Variants in CHD6 observed in about 807,000 individuals in gnomAD.
The protein encoded by CHD6 is ATP-dependent chromatin remodeler CHD6.
Under a neutral mutation model 276.9 loss-of-function variants are expected in CHD6, and 50 were observed. The observed-to-expected ratio is 0.18, with a 90% CI of 0.14 to 0.23. CHD6 has a LOEUF of 0.23. Among genes scored for constraint, CHD6 ranks in the 10% least tolerant of loss-of-function variants. CHD6 has a pLI of 1.00. For missense variants in CHD6, 2,564 were observed against 3,365.8 expected (o/e 0.76, Z 5.89); for synonymous variants, 1,173 against 1,229.3 (o/e 0.95, Z 0.96).
chr20:41,445,229 G>T (rs1425607290), intron 25 of CHD6, among the ~76,000 whole-genome samples: 1 of 152,186 alleles, frequency 6.6e-6, no homozygotes, highest in Admixed American at 6.5e-5. Flanking sequence ...TGGGGTAAAA[G>T]ATACACACTA....
At chr20:41,616,090 A>G (rs2045932325) in intron 1 of CHD6, among the ~76,000 whole-genome samples, 1 of 152,332 alleles carries the variant, frequency 6.6e-6, no homozygotes, top group Non-Finnish European at 1.5e-5. Context: ...AAATACAAAA[A>G]CATAACTGCC....
chr20:41,439,965 A>C, intron 26 of CHD6, 35 bp downstream of exon 26: 1 of 1,610,008 alleles, frequency 6.2e-7, no homozygotes. Flanking sequence ...GTGGCATGGC[A>C]TGTCACATGA....
At chr20:41,555,661 G>C (rs1289943353) in intron 1 of CHD6, among the ~76,000 whole-genome samples, 3 of 146,002 alleles carry the variant, frequency 2.1e-5, no homozygotes, top group Non-Finnish European at 4.5e-5. Context: ...ACGGGGCGGC[G>C]GGGCAGAGGC....
At chr20:41,415,031 C>T (rs763620198) in intron 34 of CHD6, 155 bp downstream of exon 34, 29 of 1,451,732 alleles carry the variant, frequency 2.0e-5, no homozygotes, top group Non-Finnish European at 2.2e-5. Context: ...TCTAGTTCTA[C>T]AGAAGATGGA....
At chr20:41,416,894 A>G (rs1392787704) in intron 32 of CHD6, 100 bp from the exon 33 acceptor site, 2 of 1,012,900 alleles carry the variant, frequency 2.0e-6, no homozygotes, top group East Asian at 2.7e-5. Flanking sequence ...GAAGGAGTCG[A>G]TAAGAAAAGA....
At position 41,437,346 on chromosome 20, in the gene CHD6, TA is replaced by T. The variant is rs773396085; in HGVS notation, c.4008-13del. The T allele has an allele frequency of 6.2e-7, 1 of 1,604,216 alleles. No homozygotes were observed. Among genetic ancestry groups the T allele is most frequent in the Non-Finnish European group, 8.5e-7 (1 of 1,174,134 alleles). On this transcript the variant is annotated splice_polypyrimidine_tract_variant and intron_variant, in intron 26 of 36. Transcript: ENST00000373233. ...TATCTGTGTTGCCTCTAAATAAAAGTAAAAAAAGGCATCACATACTACCTAG... is the reference window on the plus strand; with the variant it reads ...TATCTGTGTTGCCTCTAAATAAAAGTAAAAAAGGCATCACATACTACCTAG...
At chr20:41,449,947 T>G (rs1181965415) in intron 23 of CHD6, among the ~76,000 whole-genome samples, 1 of 152,220 alleles carries the variant, frequency 6.6e-6, no homozygotes, top group African/African-American at 2.4e-5. Flanking sequence ...TGATGACAAT[T>G]TCATGCCTAA....
At chr20:41,413,206 C>T in intron 35 of CHD6, 118 bp downstream of exon 35, 1 of 707,796 alleles carries the variant, frequency 1.4e-6, no homozygotes, top group Non-Finnish European at 2.3e-6. Flanking sequence ...TGTCAGCTGA[C>T]AGATTTCTCC....
chr20:41,425,370 T>A lies in CHD6; in HGVS notation c.4154A>T (p.Lys1385Ile). The change falls in exon 29 of 37, where the codon AAA (lysine) becomes ATA (isoleucine). Residue 1385 changes from lysine (K) to isoleucine (I), a missense_variant. Transcript: ENST00000373233. ...RAAQDGSDPDKSPWPVSSALT... is the reference protein window; with the variant it reads ...RAAQDGSDPDISPWPVSSALT... ...GGCGGAGGAAACTGGCCAGGGCGAT[T>A]TGTCTGGGTCGGAGCCATCCTGGGC... The A allele has an allele frequency of 6.2e-7, 1 of 1,614,078 alleles. No individual in the cohort carries two copies. The highest frequency in any genetic ancestry group is 8.5e-7 in the Non-Finnish European group (1 of 1,180,016).
chr20:41,473,579 C>T lies in CHD6; in HGVS notation c.2469-62G>A, dbSNP rs2043105304. Reference sequence around the variant, plus strand: ...ATCATGACTTCAATGGAGAACAGCACAAAATGCAGGAAGCTGTCGACTGAT... The same window carrying T: ...ATCATGACTTCAATGGAGAACAGCATAAAATGCAGGAAGCTGTCGACTGAT... On this transcript the variant is annotated intron_variant, in intron 16 of 36. Transcript: ENST00000373233. The surrounding 1 kb of genome is among the most constrained non-coding windows in gnomAD (Gnocchi z 4.1). 7.2e-7 allele frequency: 1 copy of T among 1,379,566 alleles called. No individual in the cohort carries two copies. Among genetic ancestry groups the T allele is most frequent in the Non-Finnish European group, 1.0e-6 (1 of 978,058 alleles). 85.5% of individuals were successfully genotyped at this position (1,379,566 alleles called of 1,614,324 possible). A position where few individuals can be genotyped will look rare whatever the true frequency, so the allele number is the denominator to read the frequency against.
chr20:41,455,648 A>T (rs2048356659), intron 19 of CHD6, 152 bp downstream of exon 19: 1 of 561,576 alleles, frequency 1.8e-6, no homozygotes, highest in African/African-American at 1.9e-5. Flanking sequence ...TCCTCTAAGG[A>T]TCTATATCTT....
intron 14 of CHD6, among the ~76,000 whole-genome samples, chr20:41,486,929 A>C (rs957666423): frequency 2.6e-5 from 4 of 152,092 alleles, no homozygotes; most frequent in African/African-American, 7.2e-5. Context: ...ATGCATTTTC[A>C]AATTGTACTC....
At chr20:41,446,835 A>G (rs1436880194) in intron 24 of CHD6, among the ~76,000 whole-genome samples, 1 of 152,214 alleles carries the variant, frequency 6.6e-6, no homozygotes, top group African/African-American at 2.4e-5. Context: ...AGGAAGGAAG[A>G]GGGTGGGCAG....
intron 23 of CHD6, among the ~76,000 whole-genome samples, chr20:41,449,206 T>C (rs1452190692): frequency 6.6e-6 from 1 of 152,140 alleles, no homozygotes; most frequent in African/African-American, 2.4e-5. Flanking sequence ...CCCAACCTGT[T>C]TGTTTATTTA....
chr20:41,501,745 C>CA (rs1045041400), intron 5 of CHD6, among the ~76,000 whole-genome samples: 4 of 152,026 alleles, frequency 2.6e-5, no homozygotes, highest in African/African-American at 9.7e-5. Flanking sequence ...ATAATATTGT[C>CA]AAAAATTTTC....
At position 41,426,035 on chromosome 20, in the gene CHD6, C is replaced by T. The variant is rs897979907; in HGVS notation, c.4129+58G>A. 48 of 1,229,504 alleles carry T rather than the reference C, an allele frequency of 3.9e-5. No homozygotes were observed. The Middle Eastern group carries it at 5.6e-4, about 14-fold the overall frequency. 76.2% of individuals were successfully genotyped at this position (1,229,504 alleles called of 1,614,324 possible). On this transcript the variant is annotated intron_variant, in intron 28 of 36. Transcript: ENST00000373233. ...ACTTATTAATTACATATAAACTCCA[C>T]GATAACTAACAAACTAAGACCTTAC...
chr20:41,455,080 T>G (rs2048342430), intron 19 of CHD6, among the ~76,000 whole-genome samples: 1 of 152,226 alleles, frequency 6.6e-6, no homozygotes, highest in South Asian at 2.1e-4. Flanking sequence ...TAGATTTTTC[T>G]TTCAGTGCAA....
At chr20:41,476,967 T>C (rs979460339) in intron 16 of CHD6, among the ~76,000 whole-genome samples, 2 of 152,066 alleles carry the variant, frequency 1.3e-5, no homozygotes, top group African/African-American at 4.8e-5. Context: ...CCAGGTATGG[T>C]GGCTCACTCT....
At chr20:41,565,887 T>C (rs1273343112) in intron 1 of CHD6, among the ~76,000 whole-genome samples, 2 of 152,178 alleles carry the variant, frequency 1.3e-5, no homozygotes, top group Admixed American at 1.3e-4. Context: ...TATCATTCTA[T>C]GGAAAGTGGG....
Sources: gnomAD v4.1 joint callset for allele counts (sites outside exome capture counted in the v4.1 genomes callset) on GRCh38, gnomAD v4.1.1 for gene constraint, Gnocchi (gnomAD v3.1) non-coding constraint, MANE v1.5 for transcripts, NCBI Gene and HGNC (gene_info 2026-07-23, HGNC 2026-07-21) for gene names.